CPAP: variants seen among roughly 807,000 people sequenced by gnomAD.
CPAP encodes the protein centrosome assembly and centriole elongation protein.
At chr13:24,910,010 T>A in the CPAP span, 2 of 1,614,112 alleles carry the variant, frequency 1.2e-6, no homozygotes, top group Non-Finnish European at 1.7e-6. Context: ...GGAAGCAGCA[T>A]GTGGCTCTCT....
the CPAP span, among the ~76,000 whole-genome samples, chr13:24,896,450 G>C: frequency 6.6e-6 from 1 of 152,218 alleles, no homozygotes; most frequent in Non-Finnish European, 1.5e-5. Flanking sequence ...TGGAAATGTA[G>C]CTAATGGGAA....
the CPAP span, among the ~76,000 whole-genome samples, chr13:24,907,747 T>C: frequency 6.6e-6 from 1 of 152,182 alleles, no homozygotes; most frequent in Admixed American, 6.5e-5. Context: ...TCTCCAAAAA[T>C]AGGATTTAAC....
At chr13:24,906,212 TTG>T in the CPAP span, 1 of 1,612,312 alleles carries the variant, frequency 6.2e-7, no homozygotes, top group African/African-American at 1.3e-5. Context: ...CCGGTGACCT[TTG>T]CAGATCTGTT....
At chr13:24,917,114 G>A in the CPAP span, among the ~76,000 whole-genome samples, 4 of 152,088 alleles carry the variant, frequency 2.6e-5, no homozygotes, top group African/African-American at 9.7e-5. Flanking sequence ...GCCGGGGGTG[G>A]TGGCGGGCAC....
chr13:24,901,331 C>CT, the CPAP span, among the ~76,000 whole-genome samples: 24 of 152,190 alleles, frequency 1.6e-4, no homozygotes, highest in South Asian at 4.6e-3. Context: ...GCATGCTCAA[C>CT]TTTATCAATA....
At chr13:24,892,286 C>A in the CPAP span, among the ~76,000 whole-genome samples, 1 of 152,184 alleles carries the variant, frequency 6.6e-6, no homozygotes, top group African/African-American at 2.4e-5. Context: ...CTGTGGCAAA[C>A]CTCCTCCATA....
the CPAP span, chr13:24,882,303 T>C: frequency 2.6e-5 from 4 of 151,630 alleles, no homozygotes; most frequent in African/African-American, 9.7e-5. Context: ...TTATTTTTCA[T>C]ATTCAGTTAA....
the CPAP span, among the ~76,000 whole-genome samples, chr13:24,929,854 C>T: frequency 6.8e-6 from 1 of 147,716 alleles, no homozygotes; most frequent in Non-Finnish European, 1.5e-5. Flanking sequence ...TTCAAGTTTG[C>T]TCATTCCTTC....
At chr13:24,891,944 C>G in the CPAP span, among the ~76,000 whole-genome samples, 3 of 152,200 alleles carry the variant, frequency 2.0e-5, no homozygotes, top group Non-Finnish European at 4.4e-5. Context: ...ACCCAGGCCA[C>G]TCCTTACATG....
chr13:24,911,823 G>T, the CPAP span: 1 of 1,186,394 alleles, frequency 8.4e-7, no homozygotes, highest in Non-Finnish European at 1.2e-6. Flanking sequence ...CACATTTATC[G>T]GGCTAGCCTT....
the CPAP span, among the ~76,000 whole-genome samples, chr13:24,913,686 A>G: frequency 1.2e-4 from 18 of 152,318 alleles, no homozygotes; most frequent in Middle Eastern, 3.4e-3. Flanking sequence ...TTTTGCTTTC[A>G]TGTTCATTAC....
the CPAP span, chr13:24,889,539 C>T: frequency 6.0e-6 from 4 of 661,982 alleles, no homozygotes; most frequent in Admixed American, 1.1e-4. Context: ...TACAACAGGC[C>T]AAAGCAAACA....
chr13:24,916,555 G>C, the CPAP span, among the ~76,000 whole-genome samples: 1 of 152,120 alleles, frequency 6.6e-6, no homozygotes. Context: ...ATACCCAGTA[G>C]GAAAAACAGA....
chr13:24,922,940 G>T, the CPAP span: 1 of 152,360 alleles, frequency 6.6e-6, no homozygotes, highest in African/African-American at 2.4e-5. Context: ...GCTGAGCCCA[G>T]TGAAACTACA....
the CPAP span, among the ~76,000 whole-genome samples, chr13:24,917,985 G>A: frequency 0.021 from 3,218 of 152,280 alleles, 108 homozygotes; most frequent in African/African-American, 0.073. Flanking sequence ...ATTTCTCACC[G>A]CTCAACACTG....
the CPAP span, among the ~76,000 whole-genome samples, chr13:24,914,118 C>G: frequency 6.6e-6 from 1 of 152,044 alleles, no homozygotes; most frequent in Non-Finnish European, 1.5e-5. Context: ...ATAAAAGCCA[C>G]GTGGGAAAAG....
the CPAP span, among the ~76,000 whole-genome samples, chr13:24,893,221 A>G: frequency 1.3e-5 from 2 of 152,386 alleles, no homozygotes; most frequent in African/African-American, 4.8e-5. Context: ...ATAGGAACTC[A>G]TGAATAACTG....
the CPAP span, among the ~76,000 whole-genome samples, chr13:24,895,109 C>T: frequency 6.6e-6 from 1 of 152,226 alleles, no homozygotes; most frequent in Non-Finnish European, 1.5e-5. Context: ...GAGCCAGCGC[C>T]GTGAAAACGG....
At chr13:24,887,889 T>A in the CPAP span, among the ~76,000 whole-genome samples, 1 of 152,144 alleles carries the variant, frequency 6.6e-6, no homozygotes, top group Non-Finnish European at 1.5e-5. Flanking sequence ...CTGCAAGTCT[T>A]CTGTCTCCAA....
Sources: allele counts gnomAD v4.1 joint callset (sites outside exome capture counted in the v4.1 genomes callset), GRCh38; gene constraint gnomAD v4.1.1; transcripts MANE v1.5; gene names NCBI Gene and HGNC (gene_info 2026-07-23, HGNC 2026-07-21).